Variants in CA10 observed in about 807,000 individuals in gnomAD.
CA10 encodes the protein carbonic anhydrase-related protein 10.
A neutral mutation model predicts 44.2 loss-of-function variants in CA10; 14 were observed. The observed-to-expected ratio is 0.32, with a 90% CI of 0.21 to 0.50. The LOEUF (loss-of-function observed/expected upper bound fraction) is 0.50, where lower values mean the gene tolerates loss of function less well. CA10 is among the 20% of genes least tolerant of loss of function. The pLI is 0.99. For missense variants in CA10, 350 were observed against 409.7 expected (o/e 0.85, Z 1.26); for synonymous variants, 159 against 141.6 (o/e 1.12, Z -0.87).
chr17:51,647,277 T>C (rs1267041579), intron 6 of CA10, among the ~76,000 whole-genome samples: 1 of 152,102 alleles, frequency 6.6e-6, no homozygotes, highest in Admixed American at 6.5e-5. Context: ...CACCAATGCT[T>C]ATTGGGCGTG....
chr17:51,759,771 T>C (rs1351998428), intron 3 of CA10, among the ~76,000 whole-genome samples: 2 of 152,062 alleles, frequency 1.3e-5, no homozygotes, highest in Non-Finnish European at 2.9e-5. Flanking sequence ...TTCAGTGCAG[T>C]GGGGAAGGGG....
At chr17:51,963,082 G>A (rs1385633331) in intron 2 of CA10, among the ~76,000 whole-genome samples, 2 of 152,100 alleles carry the variant, frequency 1.3e-5, no homozygotes, top group Non-Finnish European at 2.9e-5. Flanking sequence ...ATCAATCAGA[G>A]CTTCTAGAAT....
intron 2 of CA10, among the ~76,000 whole-genome samples, chr17:51,979,364 A>G (rs958710803): frequency 6.6e-6 from 1 of 152,200 alleles, no homozygotes; most frequent in African/African-American, 2.4e-5. Flanking sequence ...TTAGGGGTAC[A>G]TGTGAATATT....
At chr17:51,924,522 A>G (rs183495292) in intron 3 of CA10, among the ~76,000 whole-genome samples, 5 of 152,304 alleles carry the variant, frequency 3.3e-5, no homozygotes, top group Non-Finnish European at 7.3e-5. Flanking sequence ...ATGTCTTCCG[A>G]TCGTCCATTT....
At chr17:52,023,697 C>CA (rs59000757) in intron 2 of CA10, among the ~76,000 whole-genome samples, 138,383 of 147,648 alleles carry the variant, frequency 0.94, 65,217 homozygotes, top group East Asian at 0.99. Flanking sequence ...TACAGAATGG[C>CA]AAAAAAAAAA....
intron 4 of CA10, among the ~76,000 whole-genome samples, chr17:51,657,961 A>G (rs1913855969): frequency 1.3e-5 from 2 of 152,216 alleles, no homozygotes; most frequent in Non-Finnish European, 2.9e-5. Flanking sequence ...TACCATGTGA[A>G]AGGGTTAAAC....
At chr17:51,916,267 T>C (rs1981993473) in intron 3 of CA10, among the ~76,000 whole-genome samples, 1 of 152,164 alleles carries the variant, frequency 6.6e-6, no homozygotes, top group Admixed American at 6.6e-5. Flanking sequence ...GCAAAGGCAT[T>C]AGGCAAAAGC....
intron 3 of CA10, among the ~76,000 whole-genome samples, chr17:51,856,226 T>C (rs554500087): frequency 5.1e-4 from 78 of 152,272 alleles, no homozygotes; most frequent in African/African-American, 1.9e-3. Context: ...CCTAATGTAT[T>C]AGATCTTTCT....
At chr17:51,738,538 C>T (rs998895776) in intron 4 of CA10, among the ~76,000 whole-genome samples, 3 of 152,192 alleles carry the variant, frequency 2.0e-5, no homozygotes, top group African/African-American at 7.2e-5. Flanking sequence ...GTCTTCCAAT[C>T]TTTAATTCTC....
intron 2 of CA10, among the ~76,000 whole-genome samples, chr17:52,045,827 T>A (rs989205622): frequency 2.0e-5 from 3 of 152,008 alleles, no homozygotes; most frequent in African/African-American, 7.2e-5. Context: ...GCACGTGGCA[T>A]GTTTTGCAAT....
At chr17:52,046,358 A>G (rs1329555099) in intron 2 of CA10, among the ~76,000 whole-genome samples, 2 of 151,684 alleles carry the variant, frequency 1.3e-5, no homozygotes, top group East Asian at 1.9e-4. Context: ...GGTATAAATT[A>G]TCAACAGTAC....
At chr17:52,036,228 A>G (rs1048182065) in intron 2 of CA10, among the ~76,000 whole-genome samples, 5 of 152,134 alleles carry the variant, frequency 3.3e-5, no homozygotes, top group Non-Finnish European at 1.5e-5. Flanking sequence ...AATTGATCCA[A>G]TTTTGTTAAG....
At chr17:52,091,157 G>GA (rs1397808951) in intron 1 of CA10, among the ~76,000 whole-genome samples, 1 of 151,964 alleles carries the variant, frequency 6.6e-6, no homozygotes, top group Non-Finnish European at 1.5e-5. Context: ...TTTTGAGAAG[G>GA]AAAAAATATC....
At chr17:51,999,636 G>C (rs1985354096) in intron 2 of CA10, among the ~76,000 whole-genome samples, 2 of 152,034 alleles carry the variant, frequency 1.3e-5, no homozygotes, top group South Asian at 4.1e-4. Flanking sequence ...GAAGAAGGAT[G>C]CCAGCTCTTC....
At chr17:51,801,595 A>G (rs932941848) in intron 3 of CA10, among the ~76,000 whole-genome samples, 2 of 152,226 alleles carry the variant, frequency 1.3e-5, no homozygotes, top group Non-Finnish European at 2.9e-5. Flanking sequence ...AAGTGTGATC[A>G]GATACCTTCC....
intron 1 of CA10, among the ~76,000 whole-genome samples, chr17:52,085,271 C>T (rs1346175413): frequency 2.0e-5 from 3 of 152,180 alleles, no homozygotes; most frequent in Non-Finnish European, 2.9e-5. Context: ...ACTTAAATGG[C>T]CAATTATAGT....
chr17:52,108,984 A>T (rs1031705873), intron 1 of CA10, among the ~76,000 whole-genome samples: 1 of 152,202 alleles, frequency 6.6e-6, no homozygotes, highest in African/African-American at 2.4e-5. Flanking sequence ...ATTAAATTAC[A>T]AATTGCTGAT....
chr17:51,913,725 T>G (rs775700648), intron 3 of CA10, among the ~76,000 whole-genome samples: 2 of 152,074 alleles, frequency 1.3e-5, no homozygotes, highest in African/African-American at 2.4e-5. Flanking sequence ...GCAGAAGGGA[T>G]GACCCTGGGA....
chr17:51,686,504 G>A (rs1345284233), intron 4 of CA10, among the ~76,000 whole-genome samples: 1 of 151,962 alleles, frequency 6.6e-6, no homozygotes, highest in African/African-American at 2.4e-5. Context: ...AGATCTCTTA[G>A]TCAGTGGTCT....
Sources: gnomAD v4.1 joint callset for allele counts (sites outside exome capture counted in the v4.1 genomes callset) on GRCh38, gnomAD v4.1.1 for gene constraint, MANE v1.5 for transcripts, NCBI Gene and HGNC (gene_info 2026-07-23, HGNC 2026-07-21) for gene names.